RIF1: variants seen among roughly 807,000 people sequenced by gnomAD.
The protein encoded by RIF1 is replication timing regulatory factor 1.
Under a neutral mutation model 247.1 loss-of-function variants are expected in RIF1, and 45 were observed. The ratio of observed to expected loss-of-function variants is 0.18; its 90% CI spans 0.14 to 0.23. The LOEUF is 0.23. RIF1 is among the 10% of genes least tolerant of loss of function. RIF1 has a pLI of 1.00. For missense variants in RIF1, 2,967 were observed against 2,862.5 expected, an observed-to-expected ratio of 1.04 and a Z score of -0.83; for synonymous variants, 1,087 against 978.8, an observed-to-expected ratio of 1.11 and a Z score of -2.06.
In RIF1 at chr2:151,480,997, CAT is replaced by C. The variant is rs2049146426; in HGVS notation, c.*5929_*5930del. 1 of 152,026 alleles carries C rather than the reference CAT, an allele frequency of 6.6e-6. No homozygotes were observed. The highest frequency in any genetic ancestry group is 2.4e-5 in the African/African-American group (1 of 41,402). The allele number at this position is 152,026 out of a possible 1,614,324, so 9.4% of individuals were successfully genotyped here. ...AAGGACATTTTGTGACACATGAAAA[CAT>C]ATTAAATTAAAATTTCAGTATCCAG... On this transcript the variant is annotated 3_prime_UTR_variant, in exon 36 of 36. Transcript: ENST00000444746.
downstream of RIF1, chr2:151,485,362 G>GAGGTTTTATTAT (rs1228887205): frequency 1.3e-5 from 2 of 156,226 alleles, no homozygotes; most frequent in East Asian, 3.7e-4. Context: ...GGTTTTATTA[G>GAGGTTTTATTAT]TTGCTGGTTT....
chr2:151,428,667 C>T lies in RIF1; in HGVS notation c.787-117C>T, dbSNP rs564657105. 12 of 746,922 alleles carry T rather than the reference C, an allele frequency of 1.6e-5. No homozygotes were observed. The East Asian group carries it at 2.5e-4, about 16-fold the overall frequency. The allele number at this position is 746,922 out of a possible 1,614,324, so 46.3% of individuals were successfully genotyped here. ...TTTGTGAATAATTTGTCTTTTGTCTCCCCATTAGATTATGAAGTCCTAAGA... is the reference window on the plus strand; with the variant it reads ...TTTGTGAATAATTTGTCTTTTGTCTTCCCATTAGATTATGAAGTCCTAAGA... On this transcript the variant is annotated intron_variant, in intron 8 of 35. Coordinates refer to ENST00000444746, the MANE Select transcript of RIF1 (RefSeq NM_018151.5).
At chr2:151,516,522 G>A in the RIF1 span, 2 of 1,613,350 alleles carry the variant, frequency 1.2e-6, no homozygotes, top group Non-Finnish European at 1.7e-6. Context: ...AGTCCAGCAT[G>A]GGTTTTCCTC....
intron 3 of RIF1, among the ~76,000 whole-genome samples, chr2:151,411,969 TC>T (rs1686314654): frequency 6.6e-6 from 1 of 152,246 alleles, no homozygotes; most frequent in South Asian, 2.1e-4. Context: ...AAAGCAGAGA[TC>T]AGAGATTAAT....
At position 151,433,071 on chromosome 2, in the gene RIF1, T is replaced by A; in HGVS notation, c.926-6T>A. 1 of 1,605,798 alleles carries A rather than the reference T, an allele frequency of 6.2e-7. No homozygotes were observed. The highest frequency in any genetic ancestry group is 8.5e-7 in the Non-Finnish European group (1 of 1,175,056). On this transcript the variant is annotated splice_region_variant and splice_polypyrimidine_tract_variant and intron_variant, in intron 9 of 35. Coordinates refer to ENST00000444746, the MANE Select transcript of RIF1 (RefSeq NM_018151.5). ...CTCTTTAACTGTGTGCTTATTTTCT[T>A]TTAAGATATACTATGTAGTGCAAAA... is the stretch of plus-strand genomic sequence containing the variant.
At chr2:151,462,625 C>T (rs1194327953) in intron 29 of RIF1, among the ~76,000 whole-genome samples, 159 bp downstream of exon 29, 1 of 149,764 alleles carries the variant, frequency 6.7e-6, no homozygotes, top group Non-Finnish European at 1.5e-5. Context: ...CAGATACTAG[C>T]AGAATATCAG....
Position 151,410,501 on chromosome 2 carries a change from G to A in RIF1, c.78G>A (p.Gln26=), listed in dbSNP as rs1344518714. The A allele has an allele frequency of 6.2e-7, 1 of 1,614,024 alleles. No homozygotes were observed. Among genetic ancestry groups the A allele is most frequent in the Non-Finnish European group, 8.5e-7 (1 of 1,179,996 alleles). The change falls in exon 2 of 36, where the codon CAG becomes CAA. Residue 26 remains glutamine, a synonymous_variant. Coordinates refer to ENST00000444746, the MANE Select transcript of RIF1 (RefSeq NM_018151.5). ...ACCCTTCTGCCTCCCATGGAGGGCA[G>A]ACTGACGCTTACCTGACTCTGACCA... ...LEDPSASHGG[Q]TDAYLTLTSR...
chr2:151,458,722 C>T (rs1695641177), intron 24 of RIF1, 89 bp from the exon 25 acceptor site: 1 of 565,752 alleles, frequency 1.8e-6, no homozygotes, highest in South Asian at 4.2e-5. Context: ...TTTTGCTGCT[C>T]TAAAAATTAA....
intron 27 of RIF1, among the ~76,000 whole-genome samples, chr2:151,461,815 G>A (rs978683978): frequency 2.6e-5 from 4 of 152,054 alleles, no homozygotes; most frequent in Non-Finnish European, 4.4e-5. Context: ...TGGGAAATAC[G>A]CATTTAGGTC....
At chr2:151,533,637 G>A in the RIF1 span, 6 of 779,294 alleles carry the variant, frequency 7.7e-6, no homozygotes, top group Non-Finnish European at 1.3e-5. Context: ...TGAGTGAAGA[G>A]ATGTAGGCAT....
rs564503281 is a variant in RIF1, at chr2:151,434,167, C to G, written c.1077+939C>G. Among the ~76,000 whole-genome samples the G allele has an allele frequency of 5.0e-3, 557 of 110,496 alleles. 2 individuals carry two copies. The highest frequency in any genetic ancestry group is 0.019 in the Middle Eastern group (4 of 206). The allele number at this position is 110,496 out of a possible 152,430, so 72.5% of individuals were successfully genotyped here. On this transcript the variant is annotated intron_variant, in intron 10 of 35. Coordinates refer to ENST00000444746, the MANE Select transcript of RIF1 (RefSeq NM_018151.5). ...CAGGCAACAGAGTGAGACTCCATCT[C>G]AAAAAAAAAAAAAAAGAGAGAAATC...
At chr2:151,410,237 C>A in intron 1 of RIF1, 177 bp from the exon 2 acceptor site, 1 of 631,866 alleles carries the variant, frequency 1.6e-6, no homozygotes, top group Non-Finnish European at 2.8e-6. Flanking sequence ...TGTCTGGTGT[C>A]GGGCGCCGGA....
chr2:151,467,911 A>G (rs1697203676), intron 30 of RIF1, 89 bp from the exon 31 acceptor site: 11 of 1,299,916 alleles, frequency 8.5e-6, no homozygotes, highest in Non-Finnish European at 1.1e-5. Context: ...CCCACATTCT[A>G]TTTTTGGGTA....
the RIF1 span, among the ~76,000 whole-genome samples, chr2:151,532,500 A>C: frequency 6.6e-6 from 1 of 152,208 alleles, no homozygotes; most frequent in South Asian, 2.1e-4. Context: ...TTTTCAAGTC[A>C]TAATTATTTT....
At position 151,428,926 on chromosome 2, in the gene RIF1, A is replaced by G. The variant is rs1454892745; in HGVS notation, c.925+4A>G. ...GATAATTTTGCTTTAAATCCAGGTAAGTAATATTTTAACAATTTTGATTTT... is the reference window on the plus strand; with the variant it reads ...GATAATTTTGCTTTAAATCCAGGTAGGTAATATTTTAACAATTTTGATTTT... On this transcript the variant is annotated splice_donor_region_variant and intron_variant, in intron 9 of 35. Transcript: ENST00000444746. 1 of 1,435,936 alleles carries G rather than the reference A, an allele frequency of 7.0e-7. No homozygotes were observed. Among genetic ancestry groups the G allele is most frequent in the Non-Finnish European group, 9.7e-7 (1 of 1,031,038 alleles). 88.9% of individuals were successfully genotyped at this position (1,435,936 alleles called of 1,614,324 possible).
chr2:151,452,681 A>G (rs1262736412), intron 21 of RIF1, among the ~76,000 whole-genome samples: 1 of 152,232 alleles, frequency 6.6e-6, no homozygotes, highest in African/African-American at 2.4e-5. Flanking sequence ...TAATATGATT[A>G]CCTCAGTGTG....
intron 10 of RIF1, chr2:151,496,362 A>G (rs779816758): frequency 3.7e-6 from 6 of 1,608,566 alleles, no homozygotes; most frequent in African/African-American, 1.3e-5. Context: ...TTTTCTTTGT[A>G]TAACACCTGT....
At chr2:151,530,594 A>G in the RIF1 span, 20 of 158,864 alleles carry the variant, frequency 1.3e-4, no homozygotes, top group Non-Finnish European at 2.2e-4. Context: ...ATTCATTTTT[A>G]AAAAATCAGT....
chr2:151,459,210 T>C (rs1216588244), intron 25 of RIF1, among the ~76,000 whole-genome samples: 1 of 151,918 alleles, frequency 6.6e-6, no homozygotes, highest in Non-Finnish European at 1.5e-5. Context: ...TACTAAGCCA[T>C]ATCTAAGCCA....
Sources: allele counts gnomAD v4.1 joint callset (sites outside exome capture counted in the v4.1 genomes callset), GRCh38; gene constraint gnomAD v4.1.1; transcripts MANE v1.5; gene names NCBI Gene and HGNC (gene_info 2026-07-23, HGNC 2026-07-21).